The following AGAP1 variants were observed in gnomAD, a reference collection of about 807,000 sequenced individuals.
AGAP1 encodes the protein arf-GAP with GTPase, ANK repeat and PH domain-containing protein 1.
AGAP1 carries 29 observed loss-of-function variants against 105.3 expected under a neutral mutation model. The ratio of observed to expected loss-of-function variants is 0.28; its 90% CI spans 0.21 to 0.38. AGAP1 has a LOEUF of 0.38. Ranked by LOEUF, AGAP1 falls within the 10% of genes least tolerant of loss-of-function variation. The pLI is 1.00. For synonymous variants in AGAP1, 509 were observed against 485.9 expected, an observed-to-expected ratio of 1.05 and a Z score of -0.63; for missense variants, 998 against 1,165.1, an observed-to-expected ratio of 0.86 and a Z score of 2.09.
At chr2:235,781,909 G>A (rs1440809001) in intron 6 of AGAP1, among the ~76,000 whole-genome samples, 1 of 152,144 alleles carries the variant, frequency 6.6e-6, no homozygotes, top group Non-Finnish European at 1.5e-5. Context: ...GTAGAATCAA[G>A]GAAGCTTGAA....
In AGAP1 at chr2:236,124,473, A is replaced by G; in HGVS notation, c.*351A>G. The G allele has an allele frequency of 3.2e-6, 1 of 309,200 alleles. No individual in the cohort carries two copies. Among genetic ancestry groups the G allele is most frequent in the South Asian group, 4.2e-5 (1 of 23,760 alleles). 19.2% of individuals were successfully genotyped at this position (309,200 alleles called of 1,614,324 possible). A position where few individuals can be genotyped will look rare whatever the true frequency, so the allele number is the denominator to read the frequency against. On this transcript the variant is annotated 3_prime_UTR_variant, in exon 18 of 18. Coordinates refer to ENST00000304032, the MANE Select transcript of AGAP1 (RefSeq NM_001037131.3). The surrounding 1 kb of genome is among the most constrained non-coding windows in gnomAD (Gnocchi z 5.1). ...GCGAGGGGGAGGGGAGGCGAGGAAC[A>G]AGGAGAAGGGGCAACTTTCCTTAAC...
Position 235,643,363 on chromosome 2 carries a change from G to A in AGAP1, c.164-65816G>A, listed in dbSNP as rs564685336. 9.4e-5 allele frequency among the ~76,000 whole-genome samples: 14 copies of A among 148,324 alleles called. No homozygotes were observed. The East Asian group carries it at 2.2e-3, about 23-fold the overall frequency. On this transcript the variant is annotated intron_variant, in intron 1 of 17. Transcript: ENST00000304032. The stretch of plus-strand genomic sequence containing the variant: ...GGAGAATTGCTTGAACCTGGGAGGC[G>A]GAGGTTGCAGTGAGCCGAGATTGTG...
chr2:235,932,753 C>T (rs912343488), intron 12 of AGAP1, among the ~76,000 whole-genome samples: 10 of 152,226 alleles, frequency 6.6e-5, no homozygotes, highest in Admixed American at 6.5e-4. Context: ...CTGAATAGCT[C>T]TTTCTGTTGA....
rs1366277862 is a variant in AGAP1 at position 236,027,747 on chromosome 2, C to A, written c.1646-8814C>A. 6.6e-6 allele frequency among the ~76,000 whole-genome samples: 1 copy of A among 152,098 alleles called. No individual in the cohort carries two copies. Among genetic ancestry groups the A allele is most frequent in the African/African-American group, 2.4e-5 (1 of 41,422 alleles). On this transcript the variant is annotated intron_variant, in intron 13 of 17. Coordinates refer to ENST00000304032, the MANE Select transcript of AGAP1 (RefSeq NM_001037131.3). The surrounding 1 kb of genome is among the most constrained non-coding windows in gnomAD (Gnocchi z 4.4). ...GATGAACCATCTGGTCAAAACAGAA[C>A]AGAAACCCCAAAGAGCTGTTCATCG... is the stretch of plus-strand genomic sequence containing the variant.
intron 16 of AGAP1, among the ~76,000 whole-genome samples, chr2:236,066,137 C>T (rs955110594): frequency 4.6e-5 from 7 of 152,236 alleles, no homozygotes; most frequent in African/African-American, 1.7e-4. Context: ...TGTGCAAATC[C>T]GTTTACTGAC....
chr2:235,748,671 A>G (rs781451663), intron 5 of AGAP1, among the ~76,000 whole-genome samples: 5 of 152,178 alleles, frequency 3.3e-5, no homozygotes, highest in Non-Finnish European at 5.9e-5. Flanking sequence ...GAAAAGAGAA[A>G]AGAAAAAACT....
intron 1 of AGAP1, among the ~76,000 whole-genome samples, chr2:235,560,793 C>A (rs548262167): frequency 6.6e-6 from 1 of 152,178 alleles, no homozygotes; most frequent in Non-Finnish European, 1.5e-5. Flanking sequence ...AGTGAAATCA[C>A]GTCGTTCTAA....
intron 1 of AGAP1, among the ~76,000 whole-genome samples, chr2:235,693,471 C>T (rs1378016266): frequency 1.3e-5 from 2 of 152,184 alleles, no homozygotes; most frequent in Non-Finnish European, 2.9e-5. Context: ...ACCTGCACTC[C>T]CAGCAGCCAG....
chr2:235,572,973 TTTTTTCTTCTTCTTCTTCTTC>T (rs1245847738), intron 1 of AGAP1, among the ~76,000 whole-genome samples: 3 of 136,946 alleles, frequency 2.2e-5, no homozygotes, highest in Non-Finnish European at 4.5e-5. Context: ...TTGCTCCATC[TTTTTTCTTCTTCTTCTTCTTC>T]TTCTTCTTCT....
intron 1 of AGAP1, among the ~76,000 whole-genome samples, chr2:235,684,021 G>T (rs778979068): frequency 6.6e-5 from 10 of 151,642 alleles, no homozygotes; most frequent in Non-Finnish European, 1.5e-4. Context: ...CCCTGCAGAG[G>T]ACATGAACTC....
chr2:235,766,826 C>T (rs1026677535), intron 6 of AGAP1, among the ~76,000 whole-genome samples: 4 of 151,988 alleles, frequency 2.6e-5, no homozygotes, highest in Admixed American at 1.3e-4. Context: ...ACTGCTACCT[C>T]CACTTCCTGG....
At position 235,577,147 on chromosome 2, in the gene AGAP1, A is replaced by G. The variant is rs925386619; in HGVS notation, c.163+82298A>G. ...CCACATACGTCATTTAAAGTTTTCT[A>G]CTAGCTACATTAGAAAAAATAAAAG... On this transcript the variant is annotated intron_variant, in intron 1 of 17. Transcript: ENST00000304032. This position sits in a 1 kb window ranked among gnomAD's most constrained non-coding sequence, Gnocchi z 4.5. Among the ~76,000 whole-genome samples, 2 of 152,228 alleles carry G rather than the reference A, an allele frequency of 1.3e-5. No homozygotes were observed. Among genetic ancestry groups the G allele is most frequent in the African/African-American group, 4.8e-5 (2 of 41,456 alleles).
At position 235,690,049 on chromosome 2, in the gene AGAP1, C is replaced by T. The variant is rs1949665379; in HGVS notation, c.164-19130C>T. On this transcript the variant is annotated intron_variant, in intron 1 of 17. Transcript: ENST00000304032. The surrounding 1 kb of genome is among the most constrained non-coding windows in gnomAD (Gnocchi z 4.1). Reference sequence around the variant, plus strand: ...GCAAATGCAAAGGTGACTGGGAGTTCTAAGCCCCTGGGTGTCTCTCCCTCG... The same window carrying T: ...GCAAATGCAAAGGTGACTGGGAGTTTTAAGCCCCTGGGTGTCTCTCCCTCG... Among the ~76,000 whole-genome samples, 1 of 152,142 alleles carries T rather than the reference C, an allele frequency of 6.6e-6. No individual in the cohort carries two copies. Among genetic ancestry groups the T allele is most frequent in the African/African-American group, 2.4e-5 (1 of 41,496 alleles).
chr2:235,635,222 C>T lies in AGAP1; in HGVS notation c.164-73957C>T, dbSNP rs527614897. On this transcript the variant is annotated intron_variant, in intron 1 of 17. Coordinates refer to ENST00000304032, the MANE Select transcript of AGAP1 (RefSeq NM_001037131.3). The surrounding 1 kb of genome is among the most constrained non-coding windows in gnomAD (Gnocchi z 5.3). ...GACCCTGTGTGTGGCAGCAGTGGGT[C>T]GGTCAAACCTTTCCAAGCCTCCGTG... 2.6e-4 allele frequency among the ~76,000 whole-genome samples: 40 copies of T among 152,208 alleles called. No homozygotes were observed. The highest frequency in any genetic ancestry group is 8.7e-4 in the African/African-American group (36 of 41,536).
At chr2:235,539,122 G>A (rs1490612280) in intron 1 of AGAP1, among the ~76,000 whole-genome samples, 1 of 152,194 alleles carries the variant, frequency 6.6e-6, no homozygotes, top group Non-Finnish European at 1.5e-5. Flanking sequence ...GGTGATCTGC[G>A]TTGGTCTCAA....
rs544472849 is a variant in AGAP1, at chr2:236,055,181, T to C, written c.2114+5900T>C. Among the ~76,000 whole-genome samples the C allele has an allele frequency of 5.5e-4, 83 of 152,216 alleles. No individual in the cohort carries two copies. The highest frequency in any genetic ancestry group is 1.2e-3 in the Admixed American group (19 of 15,282). On this transcript the variant is annotated intron_variant, in intron 16 of 17. Transcript: ENST00000304032. This position sits in a 1 kb window ranked among gnomAD's most constrained non-coding sequence, Gnocchi z 6.2. Reference sequence around the variant, plus strand: ...TTCTATCATCCCGGATGCAGAGGGTTCAGGGAGCTGGGGGCTCGTTTGGAG... The same window carrying C: ...TTCTATCATCCCGGATGCAGAGGGTCCAGGGAGCTGGGGGCTCGTTTGGAG...
In AGAP1 at chr2:236,053,002, C is replaced by T. The variant is rs2057950051; in HGVS notation, c.2114+3721C>T. On this transcript the variant is annotated intron_variant, in intron 16 of 17. Transcript: ENST00000304032. The surrounding 1 kb of genome is among the most constrained non-coding windows in gnomAD (Gnocchi z 4.6). Reference sequence around the variant, plus strand: ...GGTTTTAGGGGTTTAAGAAGGGAGCCGTCAGCTGTGTGTAGGACAGGACTT... The same window carrying T: ...GGTTTTAGGGGTTTAAGAAGGGAGCTGTCAGCTGTGTGTAGGACAGGACTT... Among the ~76,000 whole-genome samples the T allele has an allele frequency of 6.6e-6, 1 of 152,152 alleles. No homozygotes were observed. Among genetic ancestry groups the T allele is most frequent in the African/African-American group, 2.4e-5 (1 of 41,430 alleles).
At position 236,027,010 on chromosome 2, in the gene AGAP1, CG is replaced by C. The variant is rs1576102832; in HGVS notation, c.1646-9550del. ...AGCAAAAATGGCTGTAAAGTCCTGG[CG>C]TTGTGCCTGACAGAATTTGGAGCCC... On this transcript the variant is annotated intron_variant, in intron 13 of 17. Coordinates refer to ENST00000304032, the MANE Select transcript of AGAP1 (RefSeq NM_001037131.3). This position sits in a 1 kb window ranked among gnomAD's most constrained non-coding sequence, Gnocchi z 4.4. Among the ~76,000 whole-genome samples the C allele has an allele frequency of 6.6e-6, 1 of 152,116 alleles. No homozygotes were observed. Among genetic ancestry groups the C allele is most frequent in the Non-Finnish European group, 1.5e-5 (1 of 68,024 alleles).
At chr2:236,115,805 T>TTTTTGTTTTGTTTTGTTTTGTTTTG (rs55996752) in intron 16 of AGAP1, among the ~76,000 whole-genome samples, 4 of 151,428 alleles carry the variant, frequency 2.6e-5, no homozygotes, top group African/African-American at 9.7e-5. Context: ...AAAGCTTCTG[T>TTTTTGTTTTGTTTTGTTTTGTTTTG]TTTTGTTTTG....
Sources: allele counts gnomAD v4.1 joint callset (sites outside exome capture counted in the v4.1 genomes callset), GRCh38; gene constraint gnomAD v4.1.1; non-coding constraint Gnocchi (gnomAD v3.1); transcripts MANE v1.5; gene names NCBI Gene and HGNC (gene_info 2026-07-23, HGNC 2026-07-21).